Variants in LRRC4C observed in about 807,000 individuals in gnomAD.
LRRC4C encodes leucine rich repeat containing 4C.
In LRRC4C, 5 loss-of-function variants were observed where a neutral mutation model predicts 33.6. That is an observed-to-expected ratio of 0.15 (90% CI 0.08 to 0.31). The LOEUF is 0.31. Among genes scored for constraint, LRRC4C ranks in the 10% least tolerant of loss-of-function variants. The probability of loss-of-function intolerance (pLI) is 1.00; values close to 1 mark genes in which losing one functional copy is unlikely to be tolerated. For synonymous variants in LRRC4C, 329 were observed against 302.0 expected (o/e 1.09, Z -0.93); for missense variants, 560 against 796.7 (o/e 0.70, Z 3.58).
chr11:40,749,188 G>A lies in LRRC4C; in HGVS notation c.-406-100910C>T, dbSNP rs540800849. Among the ~76,000 whole-genome samples the A allele has an allele frequency of 1.1e-4, 16 of 152,154 alleles. No individual in the cohort carries two copies. The East Asian group carries it at 2.9e-3, about 28-fold the overall frequency. On this transcript the variant is annotated intron_variant, in intron 2 of 6. Coordinates refer to ENST00000528697, the MANE Select transcript of LRRC4C (RefSeq NM_001258419.2). ...GAATACATATTCTTCTCATCAGTAC[G>A]TGGAAAAGTCTCTAGGATAGACCAG...
chr11:41,110,925 T>C (rs1941792151), intron 1 of LRRC4C, among the ~76,000 whole-genome samples: 1 of 152,072 alleles, frequency 6.6e-6, no homozygotes, highest in South Asian at 2.1e-4. Flanking sequence ...CATATATTAA[T>C]GAAGTTCACC....
chr11:40,864,021 C>T (rs909738821), intron 2 of LRRC4C, among the ~76,000 whole-genome samples: 1 of 151,894 alleles, frequency 6.6e-6, no homozygotes, highest in Non-Finnish European at 1.5e-5. Flanking sequence ...GGCAAAATGA[C>T]AAGAACAATG....
intron 3 of LRRC4C, among the ~76,000 whole-genome samples, chr11:40,516,954 G>T (rs1955584460): frequency 6.6e-6 from 1 of 152,114 alleles, no homozygotes; most frequent in Non-Finnish European, 1.5e-5. Context: ...GCAGGGCATT[G>T]CCGCTTATAT....
Position 40,710,991 on chromosome 11 carries a change from C to T in LRRC4C, c.-406-62713G>A, listed in dbSNP as rs547373198. Among the ~76,000 whole-genome samples, 211 of 152,288 alleles carry T rather than the reference C, an allele frequency of 1.4e-3. 1 individual carries two copies. The highest frequency in any genetic ancestry group is 0.014 in the Middle Eastern group (4 of 294). ...GGCAAGGCTCTGTGGGTGTGGGACC[C>T]GCTGAGCCAGGCGTGGGATAAAATC... On this transcript the variant is annotated intron_variant, in intron 2 of 6. Transcript: ENST00000528697.
intron 6 of LRRC4C, among the ~76,000 whole-genome samples, chr11:40,137,067 T>C (rs543346623): frequency 5.6e-4 from 85 of 152,304 alleles, no homozygotes; most frequent in Non-Finnish European, 1.1e-3. Context: ...AGAGCTATCA[T>C]TTTTATCTCC....
intron 3 of LRRC4C, among the ~76,000 whole-genome samples, chr11:40,555,707 G>T (rs1388062005): frequency 1.3e-5 from 2 of 152,228 alleles, no homozygotes; most frequent in Non-Finnish European, 2.9e-5. Context: ...AAGAAAAAAG[G>T]ACCGTGTATA....
intron 1 of LRRC4C, among the ~76,000 whole-genome samples, chr11:41,044,431 T>C (rs1184533499): frequency 6.6e-6 from 1 of 152,150 alleles, no homozygotes; most frequent in Non-Finnish European, 1.5e-5. Context: ...TTTTGACTGG[T>C]TTCTTGACTC....
At chr11:41,011,880 C>G (rs1855223134) in intron 1 of LRRC4C, among the ~76,000 whole-genome samples, 1 of 126,214 alleles carries the variant, frequency 7.9e-6, no homozygotes, top group Non-Finnish European at 1.7e-5. Flanking sequence ...TGGAGTCTTA[C>G]TCTGTCACCC....
intron 1 of LRRC4C, among the ~76,000 whole-genome samples, chr11:41,335,416 A>G (rs1165458032): frequency 6.6e-6 from 1 of 152,164 alleles, no homozygotes; most frequent in Non-Finnish European, 1.5e-5. Flanking sequence ...TTATGACTCC[A>G]TGAAACTGTA....
intron 1 of LRRC4C, among the ~76,000 whole-genome samples, chr11:41,067,109 G>A (rs1422172277): frequency 6.6e-6 from 1 of 152,092 alleles, no homozygotes; most frequent in African/African-American, 2.4e-5. Flanking sequence ...CCAATTAAAA[G>A]ACAGAGACTG....
intron 3 of LRRC4C, among the ~76,000 whole-genome samples, chr11:40,612,982 A>T (rs965281055): frequency 6.6e-6 from 1 of 151,936 alleles, no homozygotes; most frequent in African/African-American, 2.4e-5. Flanking sequence ...ACCTTGGTGA[A>T]AAAAATACTT....
At chr11:41,446,030 T>C (rs966790028) in intron 1 of LRRC4C, among the ~76,000 whole-genome samples, 3 of 152,168 alleles carry the variant, frequency 2.0e-5, no homozygotes, top group Non-Finnish European at 2.9e-5. Flanking sequence ...CATTTATTTG[T>C]TGAATAAAAA....
chr11:41,014,100 A>G (rs1399879012), intron 1 of LRRC4C, among the ~76,000 whole-genome samples: 1 of 152,044 alleles, frequency 6.6e-6, no homozygotes, highest in South Asian at 2.1e-4. Context: ...TGCTTCATCT[A>G]TGCATGGTGG....
chr11:41,182,824 A>C (rs759996654), intron 1 of LRRC4C, among the ~76,000 whole-genome samples: 1 of 149,312 alleles, frequency 6.7e-6, no homozygotes, highest in Non-Finnish European at 1.5e-5. Context: ...CTGCTGATAA[A>C]TACATACCCA....
At chr11:41,194,644 C>T (rs1302746618) in intron 1 of LRRC4C, among the ~76,000 whole-genome samples, 1 of 152,018 alleles carries the variant, frequency 6.6e-6, no homozygotes, top group Non-Finnish European at 1.5e-5. Flanking sequence ...GGCCAACAGC[C>T]CACAAGGAAC....
At chr11:40,500,335 T>TTA (rs1330010668) in intron 3 of LRRC4C, among the ~76,000 whole-genome samples, 64 of 101,238 alleles carry the variant, frequency 6.3e-4, no homozygotes, top group East Asian at 4.1e-3. Context: ...CACACACACA[T>TTA]TATATATATA....
chr11:41,219,243 C>A (rs375025111), intron 1 of LRRC4C, among the ~76,000 whole-genome samples: 6,258 of 152,128 alleles, frequency 0.041, 434 homozygotes, highest in African/African-American at 0.14. Context: ...AACAAAATTA[C>A]AAAAATTCCT....
At chr11:40,261,787 T>C (rs982259436) in intron 4 of LRRC4C, among the ~76,000 whole-genome samples, 2 of 152,184 alleles carry the variant, frequency 1.3e-5, no homozygotes. Context: ...GCTAGCCATA[T>C]GCAGAAAACT....
chr11:40,114,402 A>C lies in LRRC4C; in HGVS notation c.1891T>G (p.Ser631Ala), dbSNP rs1402724770. The C allele has an allele frequency of 1.9e-6, 3 of 1,613,286 alleles. No individual in the cohort carries two copies. The highest frequency in any genetic ancestry group is 2.5e-6 in the Non-Finnish European group (3 of 1,179,836). ...TGAGTCTCTTGTACATTGTCTTTAG[A>C]GTTCATTCGGATCAATAACGGTTCA... ...VHEPLLIRMN[S>A]KDNVQETQI Residue 631 changes from serine (S) to alanine (A), a missense_variant, in exon 7 of 7, where the codon TCT becomes GCT. By Grantham distance (99) the Ser-to-Ala change is moderately conservative. This residue lies in a region of LRRC4C where 103 missense variants were observed against 132.1 expected (regional missense o/e 0.78). Transcript: ENST00000528697.
Sources: allele counts gnomAD v4.1 joint callset (sites outside exome capture counted in the v4.1 genomes callset), GRCh38; gene constraint gnomAD v4.1.1; regional missense constraint gnomAD v4.1.1; transcripts MANE v1.5; gene names NCBI Gene and HGNC (gene_info 2026-07-23, HGNC 2026-07-21).